The following AUTS2 variants were observed in gnomAD, a reference collection of about 807,000 sequenced individuals.
AUTS2 encodes the protein activator of transcription and developmental regulator AUTS2.
Under a neutral mutation model 112.4 loss-of-function variants are expected in AUTS2, and 17 were observed. The observed-to-expected ratio is 0.15, with a 90% CI of 0.10 to 0.23. The LOEUF (loss-of-function observed/expected upper bound fraction) is 0.23, where lower values mean the gene tolerates loss of function less well. Among genes scored for constraint, AUTS2 ranks in the 10% least tolerant of loss-of-function variants. AUTS2 has a pLI of 1.00. For missense variants in AUTS2, 1,510 were observed against 1,701.6 expected, an observed-to-expected ratio of 0.89 and a Z score of 1.98; for synonymous variants, 751 against 702.7, an observed-to-expected ratio of 1.07 and a Z score of -1.09.
At chr7:70,164,829 A>G (rs1280370076) in intron 4 of AUTS2, among the ~76,000 whole-genome samples, 1 of 152,120 alleles carries the variant, frequency 6.6e-6, no homozygotes, top group East Asian at 1.9e-4. Flanking sequence ...TAAAAAAATT[A>G]TGACATAGAC....
chr7:69,709,080 C>G (rs1043755803), intron 1 of AUTS2, among the ~76,000 whole-genome samples: 10 of 152,094 alleles, frequency 6.6e-5, no homozygotes, highest in Non-Finnish European at 1.2e-4. Context: ...TCACAAAGCC[C>G]CATTGCTGTG....
intron 2 of AUTS2, among the ~76,000 whole-genome samples, chr7:69,929,243 T>C (rs1409719763): frequency 6.6e-6 from 1 of 152,140 alleles, no homozygotes; most frequent in Admixed American, 6.5e-5. Flanking sequence ...TCACTCTTAG[T>C]TTCTGGTAAT....
intron 6 of AUTS2, among the ~76,000 whole-genome samples, chr7:70,708,270 G>T (rs1042101831): frequency 6.6e-6 from 1 of 152,106 alleles, no homozygotes; most frequent in Admixed American, 6.5e-5. Context: ...CAGCTCCTCC[G>T]CAGGACCTCT....
chr7:70,197,505 C>T (rs1306516539), intron 4 of AUTS2, among the ~76,000 whole-genome samples: 6 of 133,914 alleles, frequency 4.5e-5, no homozygotes, highest in African/African-American at 8.6e-5. Context: ...CGAGCCGAAG[C>T]AGGGCGAGGC....
intron 13 of AUTS2, among the ~76,000 whole-genome samples, 169 bp downstream of exon 13, chr7:70,775,555 T>C (rs1306972849): frequency 6.6e-6 from 1 of 151,800 alleles, no homozygotes; most frequent in Non-Finnish European, 1.5e-5. Flanking sequence ...CTAAACTGTT[T>C]TGCTTTGACC....
intron 5 of AUTS2, among the ~76,000 whole-genome samples, chr7:70,521,004 TC>T (rs1799621092): frequency 6.6e-6 from 1 of 152,202 alleles, no homozygotes; most frequent in South Asian, 2.1e-4. Context: ...CTTGGAAGTT[TC>T]CCACCCCACC....
intron 5 of AUTS2, among the ~76,000 whole-genome samples, chr7:70,483,594 C>T (rs994621176): frequency 2.0e-5 from 3 of 152,176 alleles, no homozygotes; most frequent in African/African-American, 7.2e-5. Context: ...CCTCTCTGGA[C>T]CACAGTTTCC....
intron 5 of AUTS2, among the ~76,000 whole-genome samples, chr7:70,448,286 G>C (rs56183636): frequency 6.6e-6 from 1 of 152,166 alleles, no homozygotes; most frequent in Admixed American, 6.5e-5. Flanking sequence ...ACATGATAGG[G>C]TTGTAATTCA....
chr7:70,026,977 A>ATT (rs72301604), intron 2 of AUTS2, among the ~76,000 whole-genome samples: 12,093 of 147,488 alleles, frequency 0.082, 612 homozygotes, highest in African/African-American at 0.13. Flanking sequence ...GTGCAAAATC[A>ATT]TTTTTTTTTT....
chr7:70,781,798 A>C (rs1233496973), intron 15 of AUTS2, 42 bp downstream of exon 15: 1 of 1,594,458 alleles, frequency 6.3e-7, no homozygotes, highest in Non-Finnish European at 8.5e-7. Flanking sequence ...TGAGAAATGT[A>C]GTTCTCAGGT....
intron 1 of AUTS2, among the ~76,000 whole-genome samples, chr7:69,795,226 A>G (rs1789787520): frequency 6.6e-6 from 1 of 152,214 alleles, no homozygotes; most frequent in African/African-American, 2.4e-5. Flanking sequence ...TTGGTTCAAT[A>G]CTGCCTTCTA....
At chr7:70,500,884 A>G (rs1017342692) in intron 5 of AUTS2, among the ~76,000 whole-genome samples, 1 of 151,848 alleles carries the variant, frequency 6.6e-6, no homozygotes, top group East Asian at 1.9e-4. Flanking sequence ...CACCACGCCC[A>G]GTTGATTTTT....
chr7:69,759,664 A>C (rs531249219), intron 1 of AUTS2, among the ~76,000 whole-genome samples: 1 of 151,058 alleles, frequency 6.6e-6, no homozygotes, highest in African/African-American at 2.4e-5. Flanking sequence ...GTGCCTGTGA[A>C]CAAGTGTTCT....
chr7:70,623,107 C>T (rs561214581), intron 5 of AUTS2, among the ~76,000 whole-genome samples: 16 of 152,140 alleles, frequency 1.1e-4, no homozygotes, highest in Non-Finnish European at 2.1e-4. Context: ...GGAATGGCTT[C>T]GGGAAGCATT....
At chr7:70,406,513 C>T (rs560620289) in intron 4 of AUTS2, among the ~76,000 whole-genome samples, 5 of 152,266 alleles carry the variant, frequency 3.3e-5, no homozygotes, top group South Asian at 2.1e-4. Flanking sequence ...TGGGCCCCGC[C>T]GGTTACATCT....
intron 4 of AUTS2, among the ~76,000 whole-genome samples, chr7:70,276,823 A>G (rs1475304517): frequency 6.6e-6 from 1 of 152,214 alleles, no homozygotes; most frequent in African/African-American, 2.4e-5. Context: ...AGATAGAGTC[A>G]TGTGTCATAA....
At chr7:69,867,862 A>T (rs1008088451) in intron 1 of AUTS2, among the ~76,000 whole-genome samples, 1 of 152,190 alleles carries the variant, frequency 6.6e-6, no homozygotes, top group Non-Finnish European at 1.5e-5. Context: ...AAATAAAAAT[A>T]CAGGACACAT....
intron 4 of AUTS2, among the ~76,000 whole-genome samples, chr7:70,297,873 C>T (rs1461253533): frequency 6.6e-6 from 1 of 152,110 alleles, no homozygotes; most frequent in Admixed American, 6.6e-5. Context: ...CAAATCTTGT[C>T]TAGAGTACTA....
intron 1 of AUTS2, among the ~76,000 whole-genome samples, chr7:69,896,831 A>G (rs1369535575): frequency 3.9e-5 from 6 of 152,180 alleles, no homozygotes; most frequent in African/African-American, 1.2e-4. Context: ...CCTTTGCACA[A>G]GCTGTTCTCT....
Sources: allele counts gnomAD v4.1 joint callset (sites outside exome capture counted in the v4.1 genomes callset), GRCh38; gene constraint gnomAD v4.1.1; transcripts MANE v1.5; gene names NCBI Gene and HGNC (gene_info 2026-07-23, HGNC 2026-07-21).